PARN: variants seen among roughly 807,000 people sequenced by gnomAD.
PARN encodes poly(A)-specific ribonuclease, also known as poly(A)-specific ribonuclease PARN.
In PARN, 71 loss-of-function variants were observed where a neutral mutation model predicts 102.8. The ratio of observed to expected loss-of-function variants is 0.69; its 90% CI spans 0.57 to 0.84. The LOEUF is 0.84. Ranked by LOEUF, PARN falls within the 40% of genes least tolerant of loss-of-function variation. The probability of loss-of-function intolerance (pLI) is 0.00; values close to 1 mark genes in which losing one functional copy is unlikely to be tolerated. For missense variants in PARN, 782 were observed against 760.9 expected, an observed-to-expected ratio of 1.03 and a Z score of -0.33; for synonymous variants, 261 against 252.9, an observed-to-expected ratio of 1.03 and a Z score of -0.30.
At chr16:14,487,502 G>A (rs1963779134) in intron 21 of PARN, among the ~76,000 whole-genome samples, 1 of 152,198 alleles carries the variant, frequency 6.6e-6, no homozygotes, top group Non-Finnish European at 1.5e-5. Flanking sequence ...GACAACATAA[G>A]ATGTAGATTC....
chr16:14,597,835 T>C lies in PARN; in HGVS notation c.840+2069A>G, dbSNP rs545119422. Among the ~76,000 whole-genome samples the C allele has an allele frequency of 2.6e-4, 40 of 151,934 alleles. 1 individual carries two copies. The South Asian group carries it at 8.3e-3, about 32-fold the overall frequency. On this transcript the variant is annotated intron_variant, in intron 12 of 23. Coordinates refer to ENST00000437198, the MANE Select transcript of PARN (RefSeq NM_002582.4). Reference sequence around the variant, plus strand: ...GGACTTCTGACAAAACAGCAATCAATACCATTCAAAAGTATCCAAGTTATA... The same window carrying C: ...GGACTTCTGACAAAACAGCAATCAACACCATTCAAAAGTATCCAAGTTATA...
chr16:14,445,927 T>G (rs1367934637), intron 23 of PARN, among the ~76,000 whole-genome samples: 2 of 152,182 alleles, frequency 1.3e-5, no homozygotes, highest in African/African-American at 4.8e-5. Context: ...ACATAACCCT[T>G]TGGGCCTCCG....
intron 21 of PARN, among the ~76,000 whole-genome samples, chr16:14,531,049 C>T (rs1341204614): frequency 2.0e-5 from 3 of 152,124 alleles, no homozygotes; most frequent in Non-Finnish European, 4.4e-5. Context: ...GAAACAACAG[C>T]TTACATTTGT....
intron 22 of PARN, among the ~76,000 whole-genome samples, chr16:14,470,722 G>C (rs1053922885): frequency 6.6e-5 from 10 of 152,094 alleles, no homozygotes; most frequent in Admixed American, 5.9e-4. Flanking sequence ...GCATTCCAAA[G>C]GGCTGGGATT....
At chr16:14,465,957 A>G (rs1268130012) in intron 22 of PARN, among the ~76,000 whole-genome samples, 1 of 152,190 alleles carries the variant, frequency 6.6e-6, no homozygotes, top group Non-Finnish European at 1.5e-5. Context: ...TTCCTCCAAA[A>G]TGGACACAAA....
chr16:14,606,229 G>A (rs1319223922), intron 10 of PARN, among the ~76,000 whole-genome samples: 3 of 151,996 alleles, frequency 2.0e-5, no homozygotes, highest in Non-Finnish European at 4.4e-5. Context: ...GCGAAACCCT[G>A]TCTCTACTAA....
At chr16:14,490,113 G>T (rs767767710) in intron 21 of PARN, among the ~76,000 whole-genome samples, 1 of 152,180 alleles carries the variant, frequency 6.6e-6, no homozygotes, top group Non-Finnish European at 1.5e-5. Context: ...AACTGAGATC[G>T]TGCCATTGCA....
intron 21 of PARN, among the ~76,000 whole-genome samples, chr16:14,549,288 T>C (rs1484398725): frequency 2.0e-5 from 3 of 152,136 alleles, no homozygotes; most frequent in Non-Finnish European, 4.4e-5. Context: ...GGAAAAAAGG[T>C]AAAATATCAC....
At chr16:14,473,208 C>T (rs1209879250) in intron 22 of PARN, among the ~76,000 whole-genome samples, 1 of 152,110 alleles carries the variant, frequency 6.6e-6, no homozygotes, top group Non-Finnish European at 1.5e-5. Flanking sequence ...AGAGAAGCTG[C>T]GAGTGAGGAA....
chr16:14,614,166 A>G (rs1362595847), intron 6 of PARN, among the ~76,000 whole-genome samples: 1 of 151,964 alleles, frequency 6.6e-6, no homozygotes, highest in Non-Finnish European at 1.5e-5. Context: ...CTGAGGTGGG[A>G]GAATCACTTG....
intron 16 of PARN, 98 bp downstream of exon 16, chr16:14,584,249 G>A (rs1969703814): frequency 1.2e-6 from 1 of 805,828 alleles, no homozygotes; most frequent in Non-Finnish European, 2.1e-6. Context: ...ATCTATAAAT[G>A]AACAATACGG....
rs140752581 is a variant in PARN at position 14,542,410 on chromosome 16, C to A, written c.1480+9611G>T. ...AGTTACAGCTCATTACAGCCTCAAA[C>A]TGGGCTCAAGCAATCCTTCCACCAT... On this transcript the variant is annotated intron_variant, in intron 21 of 23. Coordinates refer to ENST00000437198, the MANE Select transcript of PARN (RefSeq NM_002582.4). Among the ~76,000 whole-genome samples the A allele has an allele frequency of 4.3e-3, 651 of 150,974 alleles. 3 individuals are homozygous for A. Among genetic ancestry groups the A allele is most frequent in the Middle Eastern group, 0.017 (5 of 292 alleles).
chr16:14,528,205 T>C (rs1037896315), intron 21 of PARN, among the ~76,000 whole-genome samples: 1 of 152,200 alleles, frequency 6.6e-6, no homozygotes, highest in Non-Finnish European at 1.5e-5. Flanking sequence ...AATTCTCACA[T>C]TCCTTATGAA....
intron 18 of PARN, among the ~76,000 whole-genome samples, chr16:14,564,416 G>A (rs754158635): frequency 2.6e-5 from 4 of 152,190 alleles, no homozygotes; most frequent in Non-Finnish European, 5.9e-5. Flanking sequence ...GGAACAACAC[G>A]CAGTGAAGAG....
At chr16:14,497,906 A>G (rs1287577847) in intron 21 of PARN, among the ~76,000 whole-genome samples, 1 of 152,136 alleles carries the variant, frequency 6.6e-6, no homozygotes, top group Non-Finnish European at 1.5e-5. Context: ...GGTGGATCAC[A>G]AGGACATGAG....
At chr16:14,451,843 T>TAAAAA (rs1184998225) in intron 22 of PARN, among the ~76,000 whole-genome samples, 3 of 54,602 alleles carry the variant, frequency 5.5e-5, no homozygotes, top group African/African-American at 1.3e-4. Flanking sequence ...ACCCCGTCTC[T>TAAAAA]AAAAAAAAAA....
intron 22 of PARN, among the ~76,000 whole-genome samples, chr16:14,448,234 C>T (rs1346257551): frequency 3.9e-5 from 6 of 152,086 alleles, no homozygotes; most frequent in Non-Finnish European, 5.9e-5. Flanking sequence ...CTGCAACCTC[C>T]GCCTCCCGGG....
At chr16:14,596,585 T>C (rs1036136456) in intron 12 of PARN, among the ~76,000 whole-genome samples, 2 of 151,240 alleles carry the variant, frequency 1.3e-5, no homozygotes, top group Admixed American at 1.3e-4. Context: ...AAAAAATATA[T>C]ATATAAAATT....
At chr16:14,499,955 C>T (rs1156530718) in intron 21 of PARN, among the ~76,000 whole-genome samples, 1 of 152,134 alleles carries the variant, frequency 6.6e-6, no homozygotes. Flanking sequence ...TTCTCAATGA[C>T]CTGAGAGTTT....
Sources: gnomAD v4.1 joint callset for allele counts (sites outside exome capture counted in the v4.1 genomes callset) on GRCh38, gnomAD v4.1.1 for gene constraint, MANE v1.5 for transcripts, NCBI Gene and HGNC (gene_info 2026-07-23, HGNC 2026-07-21) for gene names.